Variants in FARP1 observed in about 807,000 individuals in gnomAD.
The protein encoded by FARP1 is FERM, ARH/RhoGEF and pleckstrin domain protein 1.
In FARP1, 52 loss-of-function variants were observed where a neutral mutation model predicts 128.8. The ratio of observed to expected loss-of-function variants is 0.40; its 90% CI spans 0.32 to 0.51. FARP1 has a LOEUF of 0.51. FARP1 is among the 20% of genes least tolerant of loss of function. The pLI is 0.45. For missense variants in FARP1, 1,333 were observed against 1,367.9 expected (o/e 0.97, Z 0.40); for synonymous variants, 580 against 551.8 (o/e 1.05, Z -0.72).
At position 98,258,015 on chromosome 13, in the gene FARP1, C is replaced by T. The variant is rs1435284451; in HGVS notation, c.171+44602C>T. Among the ~76,000 whole-genome samples the T allele has an allele frequency of 2.6e-5, 4 of 152,032 alleles. No homozygotes were observed. The East Asian group carries it at 7.7e-4, about 29-fold the overall frequency. ...TTGAGATGGAGTCTCGCTCTGTTGCCCAGGCTAGAGTGCAGTGGCACGATC... is the reference window on the plus strand; with the variant it reads ...TTGAGATGGAGTCTCGCTCTGTTGCTCAGGCTAGAGTGCAGTGGCACGATC... On this transcript the variant is annotated intron_variant, in intron 2 of 26. Coordinates refer to ENST00000319562, the MANE Select transcript of FARP1 (RefSeq NM_005766.4).
intron 1 of FARP1, among the ~76,000 whole-genome samples, chr13:98,174,965 A>G (rs1476175171): frequency 2.0e-5 from 3 of 152,080 alleles, no homozygotes; most frequent in Non-Finnish European, 4.4e-5. Flanking sequence ...CAACCTGGCC[A>G]TGGTGGTGGG....
intron 2 of FARP1, among the ~76,000 whole-genome samples, chr13:98,296,959 A>G (rs1220460256): frequency 1.3e-5 from 2 of 152,220 alleles, no homozygotes; most frequent in Non-Finnish European, 2.9e-5. Context: ...CTGGGATTAC[A>G]CGGCCCTAAA....
chr13:98,308,046 T>C (rs1380239854), intron 2 of FARP1, among the ~76,000 whole-genome samples: 8 of 8,040 alleles, frequency 1.0e-3, no homozygotes, highest in Non-Finnish European at 1.3e-3. Flanking sequence ...TTTTTTTTTT[T>C]TTTTTTTTTT....
intron 26 of FARP1, 38 bp downstream of exon 26, chr13:98,446,855 G>C: frequency 1.2e-6 from 2 of 1,607,046 alleles, no homozygotes; most frequent in Non-Finnish European, 1.7e-6. Flanking sequence ...CCCTGCAGAA[G>C]AGGACCCCCT....
intron 19 of FARP1, 119 bp downstream of exon 19, chr13:98,435,825 C>T: frequency 1.9e-6 from 2 of 1,034,102 alleles, no homozygotes; most frequent in East Asian, 2.4e-5. Flanking sequence ...TCTTTCCATC[C>T]ACCTGGGAGA....
chr13:98,230,788 C>T (rs1217204578), intron 2 of FARP1, among the ~76,000 whole-genome samples: 1 of 152,128 alleles, frequency 6.6e-6, no homozygotes, highest in Non-Finnish European at 1.5e-5. Flanking sequence ...TCTAATTTGT[C>T]AGTAAGCCAT....
intron 14 of FARP1, 142 bp from the exon 15 acceptor site, chr13:98,410,592 G>A: frequency 1.8e-6 from 1 of 560,702 alleles, no homozygotes; most frequent in Non-Finnish European, 3.3e-6. Flanking sequence ...AACCCAAAAA[G>A]GAGAATAAGA....
At chr13:98,349,707 A>G (rs12872051) in intron 3 of FARP1, among the ~76,000 whole-genome samples, 2 of 148,654 alleles carry the variant, frequency 1.3e-5, no homozygotes, top group African/African-American at 5.0e-5. Context: ...AAAAAAGACA[A>G]TGCTTACTGG....
intron 2 of FARP1, among the ~76,000 whole-genome samples, chr13:98,278,218 TGA>T (rs1323498929): frequency 2.3e-5 from 3 of 128,612 alleles, no homozygotes; most frequent in African/African-American, 1.2e-4. Flanking sequence ...GTGTTGTGTG[TGA>T]GTGTATGTGT....
intron 2 of FARP1, chr13:98,334,047 G>A (rs568844538): frequency 1.1e-4 from 17 of 152,188 alleles, no homozygotes; most frequent in African/African-American, 3.9e-4. Context: ...ATACTAAGTC[G>A]CTTAATCCTT....
chr13:98,175,270 C>T lies in FARP1; in HGVS notation c.-24+31778C>T, dbSNP rs373050070. ...AACTCATCAGCTGTGAGGAACTCAG[C>T]GTGGATCTGTTGGTGTTTGTCTTGG... On this transcript the variant is annotated intron_variant, in intron 1 of 26. Coordinates refer to ENST00000319562, the MANE Select transcript of FARP1 (RefSeq NM_005766.4). 8.5e-5 allele frequency among the ~76,000 whole-genome samples: 13 copies of T among 152,226 alleles called. No homozygotes were observed. The South Asian group carries it at 2.1e-3, about 24-fold the overall frequency.
In FARP1 at chr13:98,306,819, C is replaced by T. The variant is rs915819915; in HGVS notation, c.172-36943C>T. On this transcript the variant is annotated intron_variant, in intron 2 of 26. Coordinates refer to ENST00000319562, the MANE Select transcript of FARP1 (RefSeq NM_005766.4). ...GATTACAGGTGTGAGCCACCGTGCC[C>T]GGCCTCTAGCTCCAAAATCTGTGCT... is the stretch of plus-strand genomic sequence containing the variant. 6.6e-5 allele frequency among the ~76,000 whole-genome samples: 10 copies of T among 152,266 alleles called. 1 individual carries two copies. Among genetic ancestry groups the T allele is most frequent in the Non-Finnish European group, 7.3e-5 (5 of 68,030 alleles).
At chr13:98,384,179 G>C (rs1469237370) in intron 6 of FARP1, 4 of 119,608 alleles carry the variant, frequency 3.3e-5, no homozygotes, top group Non-Finnish European at 6.5e-5. Context: ...GGATGATTCT[G>C]AGGCTTTTTT....
chr13:98,244,896 A>G, intron 2 of FARP1: 2 of 1,420,948 alleles, frequency 1.4e-6, no homozygotes, highest in Non-Finnish European at 1.8e-6. Context: ...ATCCACTCCT[A>G]AACGGGTCTC....
rs1893125580 is a variant in FARP1, at chr13:98,450,314, C to CTGTT, written c.*1999_*2002dup. On this transcript the variant is annotated 3_prime_UTR_variant, in exon 27 of 27. Coordinates refer to ENST00000319562, the MANE Select transcript of FARP1 (RefSeq NM_005766.4). ...ACATTTTATAGCAGAAATACACAAG[C>CTGTT]TGTTTTTAAAGGAGGGAAATATAAA... The CTGTT allele has an allele frequency of 6.6e-6, 1 of 152,286 alleles. No homozygotes were observed. Among genetic ancestry groups the CTGTT allele is most frequent in the East Asian group, 1.9e-4 (1 of 5,190 alleles). The allele number at this position is 152,286 out of a possible 1,614,324, so 9.4% of individuals were successfully genotyped here.
At chr13:98,158,636 T>TA (rs1303365826) in intron 1 of FARP1, among the ~76,000 whole-genome samples, 1 of 152,110 alleles carries the variant, frequency 6.6e-6, no homozygotes, top group Non-Finnish European at 1.5e-5. Context: ...CAAAGTCACA[T>TA]AAAAAAACCC....
intron 1 of FARP1, among the ~76,000 whole-genome samples, chr13:98,209,313 T>C (rs1004475989): frequency 6.6e-6 from 1 of 150,472 alleles, no homozygotes; most frequent in African/African-American, 2.4e-5. Flanking sequence ...CAGCCAACTT[T>C]CCTGAGTTTT....
At position 98,450,973 on chromosome 13, in the gene FARP1, TA is replaced by T. The variant is rs1446198426; in HGVS notation, c.*2660del. 1 of 152,244 alleles carries T rather than the reference TA, an allele frequency of 6.6e-6. No homozygotes were observed. The highest frequency in any genetic ancestry group is 1.5e-5 in the Non-Finnish European group (1 of 68,092). The allele number at this position is 152,244 out of a possible 1,614,324, so 9.4% of individuals were successfully genotyped here. Reference sequence around the variant, plus strand: ...GACAGGAAATGCTGCCAGTCAACTCTAAAAGAACCACTTGTTGCTCTACGGG... The same window carrying T: ...GACAGGAAATGCTGCCAGTCAACTCTAAAGAACCACTTGTTGCTCTACGGG... On this transcript the variant is annotated 3_prime_UTR_variant, in exon 27 of 27. Coordinates refer to ENST00000319562, the MANE Select transcript of FARP1 (RefSeq NM_005766.4).
intron 17 of FARP1, 151 bp from the exon 18 acceptor site, chr13:98,430,892 G>T: frequency 1.6e-6 from 1 of 613,400 alleles, no homozygotes. Context: ...AACAAAAAGA[G>T]TGAACTATGA....
Sources: gnomAD v4.1 joint callset for allele counts (sites outside exome capture counted in the v4.1 genomes callset) on GRCh38, gnomAD v4.1.1 for gene constraint, MANE v1.5 for transcripts, NCBI Gene and HGNC (gene_info 2026-07-23, HGNC 2026-07-21) for gene names.